The following CLMP variants were observed in gnomAD, a reference collection of about 807,000 sequenced individuals.
CLMP encodes the protein CXADR-like membrane protein.
Under a neutral mutation model 45.2 loss-of-function variants are expected in CLMP, and 27 were observed. That is an observed-to-expected ratio of 0.60 (90% CI 0.44 to 0.82). The LOEUF is 0.82. CLMP is among the 40% of genes least tolerant of loss of function. CLMP has a pLI of 0.00. For synonymous variants in CLMP, 167 were observed against 171.4 expected, an observed-to-expected ratio of 0.97 and a Z score of 0.20; for missense variants, 403 against 448.4, an observed-to-expected ratio of 0.90 and a Z score of 0.91.
At chr11:123,158,857 A>G (rs1861449217) in intron 1 of CLMP, among the ~76,000 whole-genome samples, 1 of 152,222 alleles carries the variant, frequency 6.6e-6, no homozygotes, top group South Asian at 2.1e-4. Flanking sequence ...CAAGGTAGTC[A>G]TTACTAAGAT....
At chr11:123,170,926 T>G (rs1410850869) in intron 1 of CLMP, among the ~76,000 whole-genome samples, 2 of 152,116 alleles carry the variant, frequency 1.3e-5, no homozygotes, top group Non-Finnish European at 1.5e-5. Context: ...GACGAATGAG[T>G]CTCAAGACTT....
At chr11:123,189,444 ATACT>A in intron 1 of CLMP, among the ~76,000 whole-genome samples, 1 of 152,320 alleles carries the variant, frequency 6.6e-6, no homozygotes, top group African/African-American at 2.4e-5. Flanking sequence ...AGTAATAATA[ATACT>A]TACTCTCAAA....
At chr11:123,101,370 G>A (rs1194910493) in intron 1 of CLMP, among the ~76,000 whole-genome samples, 2 of 152,202 alleles carry the variant, frequency 1.3e-5, no homozygotes, top group Non-Finnish European at 2.9e-5. Context: ...GCCTCCCAAA[G>A]TGCTGGGATT....
intron 1 of CLMP, among the ~76,000 whole-genome samples, chr11:123,154,656 C>T (rs879251571): frequency 6.6e-6 from 1 of 152,120 alleles, no homozygotes; most frequent in Admixed American, 6.6e-5. Context: ...GTCAGGAGGT[C>T]CAGGATTGAG....
intron 1 of CLMP, among the ~76,000 whole-genome samples, chr11:123,190,960 G>C (rs1438844920): frequency 6.6e-6 from 1 of 152,076 alleles, no homozygotes; most frequent in African/African-American, 2.4e-5. Context: ...TCTGAACTTT[G>C]GTTTCTTCTT....
chr11:123,117,676 CT>C (rs2135496314), intron 1 of CLMP, among the ~76,000 whole-genome samples: 2 of 152,054 alleles, frequency 1.3e-5, no homozygotes, highest in South Asian at 4.2e-4. Context: ...ATCCACTCGC[CT>C]TGGCCTCCCA....
intron 1 of CLMP, among the ~76,000 whole-genome samples, chr11:123,153,332 G>C (rs1184811437): frequency 6.6e-6 from 1 of 152,094 alleles, no homozygotes; most frequent in Non-Finnish European, 1.5e-5. Context: ...ATCTAATCTG[G>C]TTCTCTGAAT....
At chr11:123,172,869 G>A (rs537140514) in intron 1 of CLMP, among the ~76,000 whole-genome samples, 90 of 152,290 alleles carry the variant, frequency 5.9e-4, no homozygotes, top group African/African-American at 2.1e-3. Flanking sequence ...GGCTATGAAT[G>A]GTTTTAAAAT....
chr11:123,122,629 C>T (rs1245278429), intron 1 of CLMP, among the ~76,000 whole-genome samples: 4 of 152,186 alleles, frequency 2.6e-5, no homozygotes, highest in Admixed American at 2.6e-4. Context: ...TAGGCTCTCT[C>T]TTATCCCGAG....
At chr11:123,115,595 A>T (rs940363090) in intron 1 of CLMP, among the ~76,000 whole-genome samples, 5 of 152,030 alleles carry the variant, frequency 3.3e-5, no homozygotes, top group Non-Finnish European at 7.4e-5. Flanking sequence ...AGAAAAAAAA[A>T]ATCTGTGCTG....
chr11:123,119,269 GA>G (rs1252515055), intron 1 of CLMP, among the ~76,000 whole-genome samples: 1 of 151,792 alleles, frequency 6.6e-6, no homozygotes, highest in African/African-American at 2.4e-5. Flanking sequence ...TTTTAGTAGA[GA>G]GGGGGTTTCT....
chr11:123,160,977 C>CAA (rs547809662), intron 1 of CLMP, among the ~76,000 whole-genome samples: 11 of 64,382 alleles, frequency 1.7e-4, no homozygotes, highest in African/African-American at 3.9e-4. Context: ...GACCCTGCCT[C>CAA]AAAAAAAAAA....
chr11:123,121,630 T>A (rs1591466822), intron 1 of CLMP, among the ~76,000 whole-genome samples: 1 of 151,978 alleles, frequency 6.6e-6, no homozygotes, highest in Non-Finnish European at 1.5e-5. Context: ...TATCTGTCAG[T>A]GGGAGGTGGG....
In CLMP at chr11:123,070,731, C is replaced by G. The variant is rs1450798312; in HGVS notation, c.*2743G>C. On this transcript the variant is annotated 3_prime_UTR_variant, in exon 7 of 7. Coordinates refer to ENST00000448775, the MANE Select transcript of CLMP (RefSeq NM_024769.5). ...AGTGATATGTTGCCTGGATACCACA[C>G]TACCAGAGGAATAAAAATGTAGTTA... The G allele has an allele frequency of 6.6e-6, 1 of 152,176 alleles. No homozygotes were observed. The highest frequency in any genetic ancestry group is 2.4e-5 in the African/African-American group (1 of 41,430). 9.4% of individuals were successfully genotyped at this position (152,176 alleles called of 1,614,324 possible). A position where few individuals can be genotyped will look rare whatever the true frequency, so the allele number is the denominator to read the frequency against.
chr11:123,176,261 A>C (rs1287909432), intron 1 of CLMP, among the ~76,000 whole-genome samples: 2 of 152,194 alleles, frequency 1.3e-5, no homozygotes, highest in African/African-American at 2.4e-5. Flanking sequence ...ATAATATTCT[A>C]AAAGTGAGCC....
intron 5 of CLMP, among the ~76,000 whole-genome samples, chr11:123,081,053 T>G (rs960999825): frequency 1.3e-5 from 2 of 152,008 alleles, no homozygotes; most frequent in African/African-American, 4.8e-5. Context: ...CTCGGGAGGC[T>G]GAAGCGGGAG....
At chr11:123,156,006 A>C (rs963837463) in intron 1 of CLMP, among the ~76,000 whole-genome samples, 2 of 152,164 alleles carry the variant, frequency 1.3e-5, no homozygotes, top group Non-Finnish European at 2.9e-5. Flanking sequence ...ATGTCCCCCC[A>C]AAAATTCATA....
intron 1 of CLMP, among the ~76,000 whole-genome samples, chr11:123,140,733 C>T (rs777170615): frequency 1.3e-5 from 2 of 152,256 alleles, no homozygotes; most frequent in African/African-American, 4.8e-5. Flanking sequence ...TGTATAACAG[C>T]GTCCAGTGTA....
At chr11:123,128,038 A>G (rs1000021595) in intron 1 of CLMP, among the ~76,000 whole-genome samples, 26 of 150,074 alleles carry the variant, frequency 1.7e-4, no homozygotes, top group African/African-American at 6.1e-4. Context: ...TCTGTCTCAA[A>G]AAAAAAAAAA....
Sources: gnomAD v4.1 joint callset for allele counts (sites outside exome capture counted in the v4.1 genomes callset) on GRCh38, gnomAD v4.1.1 for gene constraint, MANE v1.5 for transcripts, NCBI Gene and HGNC (gene_info 2026-07-23, HGNC 2026-07-21) for gene names.